Variants in CRACR2A observed in about 807,000 individuals in gnomAD.
CRACR2A encodes EF-hand calcium-binding domain-containing protein 4B.
CRACR2A carries 79 observed loss-of-function variants against 90.5 expected under a neutral mutation model. That is an observed-to-expected ratio of 0.87 (90% CI 0.73 to 1.05). CRACR2A has a LOEUF of 1.05. Ranked by LOEUF, CRACR2A falls within the 50% of genes least tolerant of loss-of-function variation. The pLI is 0.00. For synonymous variants in CRACR2A, 338 were observed against 356.7 expected (o/e 0.95, Z 0.59); for missense variants, 823 against 897.2 (o/e 0.92, Z 1.06).
rs1398939152 is a variant in CRACR2A at position 3,644,633 on chromosome 12, T to C, written c.1126A>G (p.Asn376Asp). Residue 376 changes from asparagine (N) to aspartate (D), a missense_variant, in exon 12 of 20, where the codon AAC (asparagine) becomes GAC (aspartate). Transcript: ENST00000440314. ...TCCCGTTCATCCCGAAGGTGCTTGT[T>C]CCTTTCCCTGTGGATGGTAAAGGGG... ...LKQLDFLRER[N>D]KHLRDERDIC... is the part of the protein sequence containing the mutation. 6.4e-7 allele frequency: 1 copy of C among 1,551,686 alleles called. No homozygotes were observed. Among genetic ancestry groups the C allele is most frequent in the Non-Finnish European group, 8.7e-7 (1 of 1,146,984 alleles).
chr12:3,696,719 C>T, intron 4 of CRACR2A, 53 bp downstream of exon 4: 3 of 1,610,856 alleles, frequency 1.9e-6, no homozygotes, highest in Non-Finnish European at 2.5e-6. Flanking sequence ...TAACCCAAGA[C>T]AGGAAGACAT....
intron 1 of CRACR2A, among the ~76,000 whole-genome samples, chr12:3,742,953 C>T (rs1946550846): frequency 6.6e-6 from 1 of 152,202 alleles, no homozygotes; most frequent in African/African-American, 2.4e-5. Context: ...GTCCCTTTTT[C>T]TTTTTCCTAG....
intron 7 of CRACR2A, among the ~76,000 whole-genome samples, chr12:3,670,913 T>A (rs1471194764): frequency 6.6e-6 from 1 of 152,168 alleles, no homozygotes; most frequent in Non-Finnish European, 1.5e-5. Flanking sequence ...TGGGCCTTGA[T>A]CAGCTGACCC....
chr12:3,623,102 G>A (rs946396944), intron 17 of CRACR2A, among the ~76,000 whole-genome samples: 1 of 152,192 alleles, frequency 6.6e-6, no homozygotes, highest in Non-Finnish European at 1.5e-5. Flanking sequence ...CTTTTCAGGA[G>A]CAGATTTCAG....
At chr12:3,629,932 T>C (rs1162466705) in intron 15 of CRACR2A, among the ~76,000 whole-genome samples, 3 of 151,678 alleles carry the variant, frequency 2.0e-5, no homozygotes, top group Non-Finnish European at 4.4e-5. Flanking sequence ...ACGGAATAAC[T>C]GGGGACCAGA....
rs150869777 is a variant in CRACR2A, at chr12:3,698,465, A to T, written c.-36-1430T>A. On this transcript the variant is annotated intron_variant, in intron 3 of 19. Coordinates refer to ENST00000440314, the MANE Select transcript of CRACR2A (RefSeq NM_001144958.2). ...CTGTTGATTTCAGTGATGATCTTCCACTTAACCAGATTTGTCAAGAGCTGT... is the reference window on the plus strand; with the variant it reads ...CTGTTGATTTCAGTGATGATCTTCCTCTTAACCAGATTTGTCAAGAGCTGT... 4.2e-4 allele frequency among the ~76,000 whole-genome samples: 64 copies of T among 152,312 alleles called. 1 individual carries two copies. The East Asian group carries it at 0.011, about 26-fold the overall frequency.
At chr12:3,632,785 A>C (rs1565465419) in intron 15 of CRACR2A, among the ~76,000 whole-genome samples, 1 of 152,250 alleles carries the variant, frequency 6.6e-6, no homozygotes, top group South Asian at 2.1e-4. Context: ...AGCTTCTGGT[A>C]AATATTCAGG....
At chr12:3,694,715 CCAGCCGAAG>C (rs1945708602) in intron 4 of CRACR2A, among the ~76,000 whole-genome samples, 1 of 152,166 alleles carries the variant, frequency 6.6e-6, no homozygotes. Flanking sequence ...TCAGAGGTGG[CCAGCCGAAG>C]CAGCCAGAGA....
intron 19 of CRACR2A, among the ~76,000 whole-genome samples, chr12:3,616,720 G>C (rs1019089312): frequency 3.3e-5 from 5 of 152,240 alleles, no homozygotes; most frequent in African/African-American, 7.2e-5. Flanking sequence ...CTGCAATGGG[G>C]GTGACAGGTA....
At chr12:3,748,306 T>C (rs143765068) in intron 1 of CRACR2A, among the ~76,000 whole-genome samples, 2 of 152,100 alleles carry the variant, frequency 1.3e-5, no homozygotes, top group Non-Finnish European at 2.9e-5. Context: ...CCTACCTCCA[T>C]GCATCTTCTA....
At position 3,648,178 on chromosome 12, in the gene CRACR2A, C is replaced by G. The variant is rs1380106357; in HGVS notation, c.1118+364G>C. The G allele has an allele frequency of 8.2e-6, 9 of 1,103,202 alleles. No homozygotes were observed. The East Asian group carries it at 4.7e-4, about 57-fold the overall frequency. 68.3% of individuals were successfully genotyped at this position (1,103,202 alleles called of 1,614,324 possible). ...CCTGTGAATGAACTGCCCTACTCAC[C>G]TAACAGTTTTGCTGACAATGAACGA... is the stretch of plus-strand genomic sequence containing the variant. On this transcript the variant is annotated intron_variant, in intron 11 of 19. Coordinates refer to ENST00000440314, the MANE Select transcript of CRACR2A (RefSeq NM_001144958.2).
intron 3 of CRACR2A, among the ~76,000 whole-genome samples, chr12:3,704,099 T>C (rs1945877702): frequency 6.6e-6 from 1 of 152,236 alleles, no homozygotes; most frequent in African/African-American, 2.4e-5. Flanking sequence ...CATGTGTACA[T>C]ACAAAGACTT....
At chr12:3,650,729 C>T (rs919281061) in intron 10 of CRACR2A, among the ~76,000 whole-genome samples, 3 of 152,128 alleles carry the variant, frequency 2.0e-5, no homozygotes, top group Admixed American at 6.5e-5. Flanking sequence ...GACTTAAGGT[C>T]TGGGTTCTCA....
intron 3 of CRACR2A, among the ~76,000 whole-genome samples, chr12:3,707,640 T>C (rs1364072923): frequency 6.6e-6 from 1 of 152,220 alleles, no homozygotes; most frequent in Non-Finnish European, 1.5e-5. Context: ...TTAAAGAAAC[T>C]GCTACAAAAT....
chr12:3,749,924 T>C (rs1946681435), intron 1 of CRACR2A, among the ~76,000 whole-genome samples: 1 of 151,892 alleles, frequency 6.6e-6, no homozygotes, highest in Admixed American at 6.6e-5. Flanking sequence ...TCCCCAGGGC[T>C]ATTTTTTTTA....
At chr12:3,681,838 A>G (rs1052616048) in intron 4 of CRACR2A, among the ~76,000 whole-genome samples, 6 of 152,248 alleles carry the variant, frequency 3.9e-5, no homozygotes. Flanking sequence ...AGGTACATGC[A>G]TTAAGGGAGA....
chr12:3,634,267 G>A (rs762506740), intron 14 of CRACR2A, among the ~76,000 whole-genome samples: 1 of 152,164 alleles, frequency 6.6e-6, no homozygotes, highest in African/African-American at 2.4e-5. Context: ...CCCTATCCTC[G>A]GAAGCCTGGA....
chr12:3,665,157 G>A (rs188286054), intron 7 of CRACR2A, among the ~76,000 whole-genome samples: 1 of 152,386 alleles, frequency 6.6e-6, no homozygotes. Flanking sequence ...GTGAGGGCAA[G>A]AGACATGAGT....
At chr12:3,751,593 C>T (rs929943890) in intron 1 of CRACR2A, among the ~76,000 whole-genome samples, 8 of 152,238 alleles carry the variant, frequency 5.3e-5, no homozygotes, top group Non-Finnish European at 1.2e-4. Flanking sequence ...TACAACCCAC[C>T]TTCACGGCTT....
Sources: gnomAD v4.1 joint callset for allele counts (sites outside exome capture counted in the v4.1 genomes callset) on GRCh38, gnomAD v4.1.1 for gene constraint, MANE v1.5 for transcripts, NCBI Gene and HGNC (gene_info 2026-07-23, HGNC 2026-07-21) for gene names.